The following DCAF8 variants were observed in gnomAD, a reference collection of about 807,000 sequenced individuals.
The protein encoded by DCAF8 is DDB1 and CUL4 associated factor 8.
A neutral mutation model predicts 68.0 loss-of-function variants in DCAF8; 20 were observed. The observed-to-expected ratio is 0.29, with a 90% confidence interval of 0.21 to 0.43. The LOEUF is 0.43. Among genes scored for constraint, DCAF8 ranks in the 20% least tolerant of loss-of-function variants. The pLI is 1.00. For missense variants in DCAF8, 460 were observed against 771.0 expected (o/e 0.60, Z 4.78); for synonymous variants, 230 against 276.9 (o/e 0.83, Z 1.68).
At chr1:160,248,709 G>GAA (rs199917304) in intron 2 of DCAF8, among the ~76,000 whole-genome samples, 1 of 137,132 alleles carries the variant, frequency 7.3e-6, no homozygotes, top group Non-Finnish European at 1.6e-5. Flanking sequence ...CTCAAAAAAA[G>GAA]AAAAAAAAAA....
chr1:160,235,460 A>G (rs865927646), intron 6 of DCAF8, among the ~76,000 whole-genome samples: 1 of 151,890 alleles, frequency 6.6e-6, no homozygotes, highest in African/African-American at 2.4e-5. Flanking sequence ...AAGACAATAA[A>G]CGATCTAGAT....
intron 2 of DCAF8, among the ~76,000 whole-genome samples, chr1:160,253,231 T>A (rs1452426781): frequency 6.6e-6 from 1 of 152,186 alleles, no homozygotes; most frequent in Admixed American, 6.5e-5. Context: ...CTGGGCGCAG[T>A]GACTCATGCC....
chr1:160,225,140 T>C, intron 8 of DCAF8, 21 bp from the exon 9 acceptor site: 1 of 1,611,538 alleles, frequency 6.2e-7, no homozygotes, highest in Non-Finnish European at 8.5e-7. Flanking sequence ...GAGCAGATAC[T>C]GACTGATGCC....
chr1:160,224,571 C>T (rs1655405963), intron 9 of DCAF8, 22 bp from the exon 10 acceptor site: 2 of 1,591,158 alleles, frequency 1.3e-6, no homozygotes, highest in Non-Finnish European at 1.7e-6. Context: ...AAGAACATAG[C>T]AGTGAAGGCA....
chr1:160,225,492 T>C, intron 8 of DCAF8, 99 bp downstream of exon 8: 14 of 933,788 alleles, frequency 1.5e-5, no homozygotes, highest in Non-Finnish European at 2.2e-5. Context: ...GATGACTGAC[T>C]TGAAAGTCCA....
At chr1:160,240,405 A>G (rs557935401) in intron 3 of DCAF8, 35 bp from the exon 4 acceptor site, 2 of 1,540,480 alleles carry the variant, frequency 1.3e-6, no homozygotes, top group Admixed American at 2.0e-5. Flanking sequence ...GAGGAGAGGG[A>G]AAAATAAGAA....
At chr1:160,256,157 G>T (rs55822344) in intron 2 of DCAF8, among the ~76,000 whole-genome samples, 1 of 151,050 alleles carries the variant, frequency 6.6e-6, no homozygotes, top group South Asian at 2.1e-4. Context: ...CTGGCTAAGA[G>T]AACTTTCTAT....
chr1:160,217,294 A>C lies in DCAF8; in HGVS notation c.*298T>G. 3.7e-6 allele frequency: 1 copy of C among 268,490 alleles called. No individual in the cohort carries two copies. The highest frequency in any genetic ancestry group is 6.9e-6 in the Non-Finnish European group (1 of 144,202). 16.6% of individuals were successfully genotyped at this position (268,490 alleles called of 1,614,324 possible). A position where few individuals can be genotyped will look rare whatever the true frequency, so the allele number is the denominator to read the frequency against. Reference sequence around the variant, plus strand: ...AAAAAGAAACCCCATTCCCTATCCCAAACCAGTTAACAAAATAGGCTTCCC... The same window carrying C: ...AAAAAGAAACCCCATTCCCTATCCCCAACCAGTTAACAAAATAGGCTTCCC... On this transcript the variant is annotated 3_prime_UTR_variant, in exon 14 of 14. Transcript: ENST00000368074.
chr1:160,252,841 T>C (rs1008292724), intron 2 of DCAF8, among the ~76,000 whole-genome samples: 1 of 151,852 alleles, frequency 6.6e-6, no homozygotes, highest in Non-Finnish European at 1.5e-5. Context: ...CCAGAGAAAA[T>C]CAAGTGACAC....
intron 6 of DCAF8, among the ~76,000 whole-genome samples, chr1:160,234,271 A>G (rs1486323702): frequency 6.6e-6 from 1 of 151,268 alleles, no homozygotes; most frequent in Non-Finnish European, 1.5e-5. Context: ...CTCTGACATA[A>G]GCAGATGTTC....
chr1:160,259,305 C>A (rs11265365), intron 2 of DCAF8, among the ~76,000 whole-genome samples: 5 of 152,054 alleles, frequency 3.3e-5, no homozygotes, highest in Non-Finnish European at 5.9e-5. Context: ...GAGGCTGAGG[C>A]GGGCAGATCA....
chr1:160,255,547 A>C (rs1656803502), intron 2 of DCAF8, among the ~76,000 whole-genome samples: 1 of 152,234 alleles, frequency 6.6e-6, no homozygotes, highest in Non-Finnish European at 1.5e-5. Context: ...CCTTCTTTGA[A>C]TTAATGCCTT....
At chr1:160,230,526 A>AT (rs1241926414) in intron 7 of DCAF8, among the ~76,000 whole-genome samples, 1 of 152,194 alleles carries the variant, frequency 6.6e-6, no homozygotes, top group Non-Finnish European at 1.5e-5. Flanking sequence ...ATCACTATGG[A>AT]TAAAAAAAAG....
chr1:160,259,687 C>T (rs1204339815), intron 2 of DCAF8, among the ~76,000 whole-genome samples: 1 of 152,038 alleles, frequency 6.6e-6, no homozygotes, highest in Non-Finnish European at 1.5e-5. Flanking sequence ...GTATTCCCTT[C>T]ATGGCAAAAA....
intron 3 of DCAF8, among the ~76,000 whole-genome samples, chr1:160,241,434 T>C (rs1191007563): frequency 1.3e-5 from 2 of 152,244 alleles, no homozygotes; most frequent in Non-Finnish European, 2.9e-5. Context: ...GCTACTATAG[T>C]GGTGCCTAAG....
intron 2 of DCAF8, among the ~76,000 whole-genome samples, chr1:160,250,477 A>AC (rs906479998): frequency 1.3e-5 from 2 of 151,624 alleles, no homozygotes; most frequent in East Asian, 1.9e-4. Flanking sequence ...AAAAAAAAAA[A>AC]AAAAAAAAAC....
intron 11 of DCAF8, among the ~76,000 whole-genome samples, chr1:160,222,018 C>G (rs1655317724): frequency 6.6e-6 from 1 of 152,100 alleles, no homozygotes; most frequent in African/African-American, 2.4e-5. Flanking sequence ...AAAACAATTG[C>G]CACATTTGCG....
chr1:160,224,017 C>G lies in DCAF8; in HGVS notation c.1309+425G>C, dbSNP rs529819259. Among the ~76,000 whole-genome samples, 3 of 152,324 alleles carry G rather than the reference C, an allele frequency of 2.0e-5. No homozygotes were observed. The East Asian group carries it at 5.8e-4, about 29-fold the overall frequency. On this transcript the variant is annotated intron_variant, in intron 10 of 13. Transcript: ENST00000368074. ...AAACAGGCCAATCTTGGGCTAGTTA[C>G]TACCACCATTCCTCCTCTTCTGCCT... is the stretch of plus-strand genomic sequence containing the variant.
At chr1:160,225,800 C>A in intron 7 of DCAF8, 137 bp from the exon 8 acceptor site, 1 of 656,426 alleles carries the variant, frequency 1.5e-6, no homozygotes, top group East Asian at 2.8e-5. Context: ...TTGGTTTGTG[C>A]TCTTCCTTAA....
Sources: gnomAD v4.1 joint callset for allele counts (sites outside exome capture counted in the v4.1 genomes callset) on GRCh38, gnomAD v4.1.1 for gene constraint, MANE v1.5 for transcripts, NCBI Gene and HGNC (gene_info 2026-07-23, HGNC 2026-07-21) for gene names.